Variants in VWA8 observed in about 807,000 individuals in gnomAD.
VWA8 encodes the protein von Willebrand factor A domain containing 8, also known as von Willebrand factor A domain-containing protein 8.
Under a neutral mutation model 241.5 loss-of-function variants are expected in VWA8, and 221 were observed. The observed-to-expected ratio is 0.91, with a 90% CI of 0.82 to 1.02. The LOEUF (loss-of-function observed/expected upper bound fraction) is 1.02, where lower values mean the gene tolerates loss of function less well. Ranked by LOEUF, VWA8 falls within the 50% of genes least tolerant of loss-of-function variation. The probability of loss-of-function intolerance (pLI) is 0.00; values close to 1 mark genes in which losing one functional copy is unlikely to be tolerated. For missense variants in VWA8, 2,322 were observed against 2,328.7 expected, an observed-to-expected ratio of 1.00 and a Z score of 0.06; for synonymous variants, 852 against 827.1, an observed-to-expected ratio of 1.03 and a Z score of -0.52.
At chr13:41,895,826 A>ATTTTTTTTT (rs145479092) in intron 4 of VWA8, among the ~76,000 whole-genome samples, 1 of 90,890 alleles carries the variant, frequency 1.1e-5, no homozygotes, top group Non-Finnish European at 2.4e-5. Context: ...TTACTTGCAA[A>ATTTTTTTTT]TTTTCTTTTT....
chr13:41,600,090 A>C (rs1023170796), intron 40 of VWA8, among the ~76,000 whole-genome samples: 1 of 152,144 alleles, frequency 6.6e-6, no homozygotes, highest in East Asian at 1.9e-4. Context: ...CTCATGAATA[A>C]TGCTATTTCT....
At chr13:41,632,954 G>A (rs948950188) in intron 37 of VWA8, among the ~76,000 whole-genome samples, 3 of 152,122 alleles carry the variant, frequency 2.0e-5, no homozygotes, top group African/African-American at 7.2e-5. Flanking sequence ...CACAACTCAG[G>A]AGCGGGTAAC....
intron 21 of VWA8, among the ~76,000 whole-genome samples, chr13:41,757,276 T>C (rs1178175270): frequency 6.6e-6 from 1 of 151,742 alleles, no homozygotes; most frequent in Admixed American, 6.6e-5. Flanking sequence ...CACAGCCTCG[T>C]AGTTTTAATA....
intron 9 of VWA8, among the ~76,000 whole-genome samples, chr13:41,870,077 G>A (rs1873518800): frequency 6.6e-6 from 1 of 151,990 alleles, no homozygotes; most frequent in Non-Finnish European, 1.5e-5. Flanking sequence ...GATGTCATAA[G>A]TACTCAAGAC....
intron 21 of VWA8, among the ~76,000 whole-genome samples, chr13:41,749,773 C>T (rs1593743119): frequency 6.6e-6 from 1 of 150,978 alleles, no homozygotes; most frequent in Admixed American, 6.6e-5. Flanking sequence ...CCAAACACCC[C>T]ATGTTCTCAC....
chr13:41,907,497 T>C, intron 4 of VWA8, 89 bp downstream of exon 4: 4 of 1,123,094 alleles, frequency 3.6e-6, no homozygotes, highest in African/African-American at 1.5e-5. Context: ...CCTTTTACTG[T>C]TATATGAGCT....
chr13:41,837,753 C>T (rs181746374), intron 12 of VWA8, among the ~76,000 whole-genome samples: 35 of 152,206 alleles, frequency 2.3e-4, no homozygotes, highest in African/African-American at 7.2e-4. Context: ...TTATTCCATA[C>T]GGGCATTTGG....
At chr13:41,618,531 C>T (rs1222360800) in intron 37 of VWA8, among the ~76,000 whole-genome samples, 9 of 151,826 alleles carry the variant, frequency 5.9e-5, no homozygotes, top group Non-Finnish European at 8.8e-5. Flanking sequence ...TCGGTGTTTT[C>T]GTCATGGAGT....
intron 21 of VWA8, among the ~76,000 whole-genome samples, chr13:41,742,567 T>A (rs1266175531): frequency 6.6e-6 from 1 of 152,208 alleles, no homozygotes; most frequent in African/African-American, 2.4e-5. Flanking sequence ...TGAAAAACAG[T>A]ACCTTAAAAA....
chr13:41,886,182 T>A (rs1183144892), intron 7 of VWA8, among the ~76,000 whole-genome samples, 154 bp from the exon 8 acceptor site: 1 of 152,184 alleles, frequency 6.6e-6, no homozygotes, highest in African/African-American at 2.4e-5. Flanking sequence ...ATATCCTACT[T>A]AAAACTCAGA....
chr13:41,932,893 A>T (rs1431636331), intron 2 of VWA8, among the ~76,000 whole-genome samples: 7 of 151,942 alleles, frequency 4.6e-5, no homozygotes, highest in African/African-American at 1.7e-4. Flanking sequence ...CTTTCCCCCA[A>T]CATCCGGAAT....
intron 17 of VWA8, among the ~76,000 whole-genome samples, chr13:41,808,943 G>A (rs1870345999): frequency 6.6e-6 from 1 of 151,454 alleles, no homozygotes; most frequent in Non-Finnish European, 1.5e-5. Flanking sequence ...ACAAAAATCA[G>A]TAGCGCTTCT....
At chr13:41,717,992 G>A (rs1208166393) in intron 26 of VWA8, among the ~76,000 whole-genome samples, 1 of 151,976 alleles carries the variant, frequency 6.6e-6, no homozygotes, top group Non-Finnish European at 1.5e-5. Context: ...GTTTAGAACT[G>A]AGGATGACAA....
At chr13:41,856,260 C>T (rs903367631) in intron 12 of VWA8, among the ~76,000 whole-genome samples, 4 of 152,068 alleles carry the variant, frequency 2.6e-5, no homozygotes, top group Admixed American at 6.6e-5. Flanking sequence ...CATTTGAATC[C>T]GGGAGGCAGA....
intron 2 of VWA8, among the ~76,000 whole-genome samples, chr13:41,915,126 C>T (rs1160186700): frequency 6.6e-6 from 1 of 152,106 alleles, no homozygotes; most frequent in Non-Finnish European, 1.5e-5. Flanking sequence ...GAGGTTATAG[C>T]CATAATAGAG....
At chr13:41,670,883 A>G in intron 37 of VWA8, 63 bp downstream of exon 37, 3 of 1,580,532 alleles carry the variant, frequency 1.9e-6, no homozygotes, top group Non-Finnish European at 2.6e-6. Flanking sequence ...TGACTGTGGC[A>G]TCTGGAACTA....
chr13:41,887,434 G>A (rs954813002), intron 5 of VWA8, 73 bp from the exon 6 acceptor site: 70 of 1,478,774 alleles, frequency 4.7e-5, no homozygotes, highest in Non-Finnish European at 6.0e-5. Flanking sequence ...GCCAAGTCCA[G>A]GGACTTAGGA....
intron 12 of VWA8, among the ~76,000 whole-genome samples, chr13:41,864,808 G>A (rs999996868): frequency 6.6e-6 from 1 of 151,894 alleles, no homozygotes; most frequent in Non-Finnish European, 1.5e-5. Context: ...TGTACATGGC[G>A]AAACCCTGTC....
intron 31 of VWA8, 86 bp from the exon 32 acceptor site, chr13:41,691,531 G>A (rs2045177563): frequency 2.7e-6 from 4 of 1,456,986 alleles, no homozygotes; most frequent in South Asian, 1.4e-5. Context: ...GATACATTAT[G>A]CAACCCATAA....
Sources: gnomAD v4.1 joint callset for allele counts (sites outside exome capture counted in the v4.1 genomes callset) on GRCh38, gnomAD v4.1.1 for gene constraint, MANE v1.5 for transcripts, NCBI Gene and HGNC (gene_info 2026-07-23, HGNC 2026-07-21) for gene names.